Variants in CHD9 observed in about 807,000 individuals in gnomAD.
CHD9 encodes chromodomain helicase DNA binding protein 9.
Under a neutral mutation model 316.1 loss-of-function variants are expected in CHD9, and 77 were observed. The observed-to-expected ratio is 0.24, with a 90% CI of 0.20 to 0.29. The LOEUF (loss-of-function observed/expected upper bound fraction) is 0.29. Among genes scored for constraint, CHD9 ranks in the 10% least tolerant of loss-of-function variants. The probability of loss-of-function intolerance (pLI) is 1.00; values close to 1 mark genes in which losing one functional copy is unlikely to be tolerated. For synonymous variants in CHD9, 1,129 were observed against 1,158.3 expected (o/e 0.97, Z 0.51); for missense variants, 2,763 against 3,438.1 (o/e 0.80, Z 4.91).
chr16:53,292,584 C>T (rs574643425), intron 28 of CHD9, among the ~76,000 whole-genome samples: 9 of 152,138 alleles, frequency 5.9e-5, no homozygotes, highest in African/African-American at 1.9e-4. Flanking sequence ...GTGATATATA[C>T]CTAGACATGC....
intron 2 of CHD9, among the ~76,000 whole-genome samples, chr16:53,195,136 A>G (rs1436387777): frequency 1.3e-5 from 2 of 152,218 alleles, no homozygotes; most frequent in East Asian, 3.8e-4. Context: ...TCAGACATTA[A>G]ACATCATCCA....
In CHD9 at chr16:53,262,954, T is replaced by C. The variant is rs1360815772; in HGVS notation, c.4210-33T>C. Reference sequence around the variant, plus strand: ...AATGTTTTAAGTGTACTTTGATAGATTTTTCCTCTAAAACTGCCATTATAT... The same window carrying C: ...AATGTTTTAAGTGTACTTTGATAGACTTTTCCTCTAAAACTGCCATTATAT... On this transcript the variant is annotated intron_variant, in intron 19 of 38. Transcript: ENST00000447540. The C allele has an allele frequency of 3.9e-6, 6 of 1,524,416 alleles. No individual in the cohort carries two copies. In the African/African-American group the frequency reaches 4.1e-5, roughly 10 times the overall value. 94.4% of individuals were successfully genotyped at this position (1,524,416 alleles called of 1,614,324 possible).
At chr16:53,125,218 A>ATTTAT (rs2038918844) in intron 1 of CHD9, among the ~76,000 whole-genome samples, 3 of 95,782 alleles carry the variant, frequency 3.1e-5, no homozygotes, top group Non-Finnish European at 6.0e-5. Context: ...TCAAGTTAGG[A>ATTTAT]TTTTTTTTTT....
intron 19 of CHD9, among the ~76,000 whole-genome samples, chr16:53,256,471 C>T (rs564508158): frequency 6.1e-5 from 9 of 148,406 alleles, no homozygotes; most frequent in African/African-American, 2.2e-4. Context: ...CTACAACCTC[C>T]ACCACCATGC....
chr16:53,146,632 T>G (rs1335228290), intron 1 of CHD9, among the ~76,000 whole-genome samples: 1 of 149,062 alleles, frequency 6.7e-6, no homozygotes, highest in Non-Finnish European at 1.5e-5. Flanking sequence ...ACCCCATCTC[T>G]GCAAAAAAAT....
intron 24 of CHD9, among the ~76,000 whole-genome samples, chr16:53,275,466 G>C (rs544561184): frequency 6.6e-6 from 1 of 152,216 alleles, no homozygotes; most frequent in East Asian, 1.9e-4. Flanking sequence ...GGAGTTTATG[G>C]TCTCAGTAAG....
rs2153124885 is a variant in CHD9, at chr16:53,324,891, A to G, written c.8690A>G (p.Asp2897Gly). Residue 2897 changes from aspartate (D) to glycine (G), a missense_variant, in exon 39 of 39, where the codon GAC becomes GGC. Asp to Gly is a moderately conservative substitution (Grantham distance 94). Around this residue, in one of 15 missense-constraint regions of CHD9, gnomAD observed 298 missense variants for 380.2 expected, o/e 0.78. Coordinates refer to ENST00000447540, the MANE Select transcript of CHD9 (RefSeq NM_001308319.2). ...SSEDSDSSNE[D>G] is the part of the protein sequence containing the mutation. ...GAGGATTCAGATTCTAGTAATGAAGACTGATTCCCAGACTCTGCACTTAAA... is the reference window on the plus strand; with the variant it reads ...GAGGATTCAGATTCTAGTAATGAAGGCTGATTCCCAGACTCTGCACTTAAA... 6 of 1,580,382 alleles carry G rather than the reference A, an allele frequency of 3.8e-6. No homozygotes were observed. Among genetic ancestry groups the G allele is most frequent in the East Asian group, 2.2e-5 (1 of 44,550 alleles).
intron 24 of CHD9, among the ~76,000 whole-genome samples, chr16:53,284,753 A>T (rs1040167815): frequency 6.6e-6 from 1 of 152,156 alleles, no homozygotes; most frequent in East Asian, 1.9e-4. Flanking sequence ...TTACAACATC[A>T]AAACAGCATT....
intron 33 of CHD9, 41 bp downstream of exon 33, chr16:53,307,994 C>A: frequency 2.0e-6 from 3 of 1,517,112 alleles, no homozygotes; most frequent in Non-Finnish European, 2.7e-6. Context: ...ATTGCGATTG[C>A]GGTGTGCAGC....
intron 2 of CHD9, among the ~76,000 whole-genome samples, chr16:53,195,092 TACAC>T (rs2044785963): frequency 6.6e-6 from 1 of 152,172 alleles, no homozygotes; most frequent in South Asian, 2.1e-4. Flanking sequence ...ATACAGAAAA[TACAC>T]AAATTAAAAG....
intron 2 of CHD9, among the ~76,000 whole-genome samples, chr16:53,163,546 A>T (rs886115677): frequency 6.6e-6 from 1 of 152,208 alleles, no homozygotes; most frequent in Non-Finnish European, 1.5e-5. Context: ...AATTGAGATC[A>T]TATAGTTCAC....
chr16:53,325,181 A>T lies in CHD9; in HGVS notation c.*286A>T, dbSNP rs1421652994. On this transcript the variant is annotated 3_prime_UTR_variant, in exon 39 of 39. Transcript: ENST00000447540. ...TTTTATGAAAATTATGCTCAATAAGAGTTGTATATTTAATATATTTGCAGT... is the reference window on the plus strand; with the variant it reads ...TTTTATGAAAATTATGCTCAATAAGTGTTGTATATTTAATATATTTGCAGT... 4.0e-6 allele frequency: 1 copy of T among 249,786 alleles called. No homozygotes were observed. The highest frequency in any genetic ancestry group is 7.7e-6 in the Non-Finnish European group (1 of 129,482). The allele number at this position is 249,786 out of a possible 1,614,324, so 15.5% of individuals were successfully genotyped here. A position where few individuals can be genotyped will look rare whatever the true frequency, so the allele number is the denominator to read the frequency against.
At chr16:53,217,089 C>G (rs1471454375) in intron 3 of CHD9, among the ~76,000 whole-genome samples, 2 of 151,974 alleles carry the variant, frequency 1.3e-5, no homozygotes, top group Admixed American at 1.3e-4. Flanking sequence ...ATTCAGGATC[C>G]TACATTTCAT....
At chr16:53,119,373 T>TAA (rs143260025) in intron 1 of CHD9, among the ~76,000 whole-genome samples, 82 of 149,492 alleles carry the variant, frequency 5.5e-4, no homozygotes, top group Admixed American at 1.9e-3. Flanking sequence ...CACTGTTATT[T>TAA]AAAAAAAAAA....
chr16:53,093,681 C>A (rs144549908), intron 1 of CHD9, among the ~76,000 whole-genome samples: 8 of 152,254 alleles, frequency 5.3e-5, no homozygotes, highest in African/African-American at 1.9e-4. Flanking sequence ...CAGGCAAAGG[C>A]GGTATGATTG....
At chr16:53,187,209 G>C (rs1306542745) in intron 2 of CHD9, among the ~76,000 whole-genome samples, 1 of 152,154 alleles carries the variant, frequency 6.6e-6, no homozygotes, top group East Asian at 1.9e-4. Flanking sequence ...AATTCAAGAA[G>C]AAAGTGTAGA....
chr16:53,119,116 C>T (rs1259321630), intron 1 of CHD9, among the ~76,000 whole-genome samples: 2 of 151,558 alleles, frequency 1.3e-5, no homozygotes, highest in Non-Finnish European at 2.9e-5. Context: ...TAAAGAAGGC[C>T]CCCCAACCTG....
At chr16:53,299,570 A>G (rs2055160354) in intron 30 of CHD9, 3 of 389,020 alleles carry the variant, frequency 7.7e-6, no homozygotes, top group African/African-American at 2.1e-5. Context: ...CTCAGCAGCT[A>G]TTAACCCTCC....
At chr16:53,100,453 CTTTT>C (rs61450186) in intron 1 of CHD9, among the ~76,000 whole-genome samples, 1 of 129,638 alleles carries the variant, frequency 7.7e-6, no homozygotes, top group Non-Finnish European at 1.7e-5. Flanking sequence ...ACTCATTCGT[CTTTT>C]TTTTTTTTTT....
Sources: allele counts gnomAD v4.1 joint callset (sites outside exome capture counted in the v4.1 genomes callset), GRCh38; gene constraint gnomAD v4.1.1; regional missense constraint gnomAD v4.1.1; transcripts MANE v1.5; gene names NCBI Gene and HGNC (gene_info 2026-07-23, HGNC 2026-07-21).